MAD1L1: variants seen among roughly 807,000 people sequenced by gnomAD.
MAD1L1 encodes the protein mitotic arrest deficient 1 like 1.
Under a neutral mutation model 96.9 loss-of-function variants are expected in MAD1L1, and 95 were observed. The ratio of observed to expected loss-of-function variants is 0.98; its 90% CI spans 0.83 to 1.16. MAD1L1 has a LOEUF of 1.16. Ranked by LOEUF, MAD1L1 falls within the 50% of genes most tolerant of loss-of-function variation. The pLI, the probability that MAD1L1 is intolerant of heterozygous loss-of-function variation, is 0.00. For missense variants in MAD1L1, 1,007 were observed against 954.4 expected (o/e 1.06, Z -0.73); for synonymous variants, 473 against 396.6 (o/e 1.19, Z -2.29).
chr7:2,154,657 G>A (rs979087617), intron 10 of MAD1L1, among the ~76,000 whole-genome samples: 15 of 152,086 alleles, frequency 9.9e-5, no homozygotes, highest in African/African-American at 3.6e-4. Context: ...ATAAATAAAA[G>A]AAAATGGGCT....
chr7:2,018,209 A>ATG (rs1039090984), intron 12 of MAD1L1, among the ~76,000 whole-genome samples: 12 of 152,098 alleles, frequency 7.9e-5, no homozygotes, highest in African/African-American at 2.7e-4. Flanking sequence ...CCGTAACTAG[A>ATG]TGTGTGACCT....
chr7:2,123,711 T>C (rs998094361), intron 11 of MAD1L1, among the ~76,000 whole-genome samples: 2 of 152,172 alleles, frequency 1.3e-5, no homozygotes, highest in Admixed American at 6.5e-5. Flanking sequence ...CAGAGTGCAC[T>C]TCGCAGGCGG....
intron 12 of MAD1L1, among the ~76,000 whole-genome samples, chr7:2,037,440 G>A (rs1783489970): frequency 6.6e-6 from 1 of 151,864 alleles, no homozygotes; most frequent in African/African-American, 2.4e-5. Flanking sequence ...CTTCGGCGAG[G>A]CACCATGTTC....
intron 11 of MAD1L1, among the ~76,000 whole-genome samples, chr7:2,074,197 C>T (rs1785271141): frequency 6.6e-6 from 1 of 152,102 alleles, no homozygotes; most frequent in African/African-American, 2.4e-5. Flanking sequence ...AGCCTGGGCT[C>T]GCTGGGCCTC....
intron 10 of MAD1L1, among the ~76,000 whole-genome samples, chr7:2,210,252 TACAC>T (rs1792841356): frequency 1.3e-5 from 2 of 152,122 alleles, no homozygotes; most frequent in African/African-American, 4.8e-5. Context: ...TTTGTTTTGG[TACAC>T]ACGGGGTCTC....
intron 4 of MAD1L1, 22 bp from the exon 5 acceptor site, chr7:2,222,776 G>A: frequency 6.4e-7 from 1 of 1,560,396 alleles, no homozygotes. Flanking sequence ...GCAAGAGTCA[G>A]ATGCCACGTG....
At chr7:2,105,979 T>TGCCCCTGCCCCACATATGGCCCC (rs1316872996) in intron 11 of MAD1L1, among the ~76,000 whole-genome samples, 1 of 118,586 alleles carries the variant, frequency 8.4e-6, no homozygotes, top group Non-Finnish European at 1.8e-5. Flanking sequence ...GCCCTGCCCC[T>TGCCCCTGCCCCACATATGGCCCC]GCCCCTGCCC....
chr7:1,970,168 G>A (rs1334376179), intron 15 of MAD1L1, among the ~76,000 whole-genome samples: 2 of 152,176 alleles, frequency 1.3e-5, no homozygotes, highest in African/African-American at 4.8e-5. Context: ...GACATGTGCA[G>A]CTGCCGGGAG....
intron 17 of MAD1L1, among the ~76,000 whole-genome samples, chr7:1,930,849 T>TA (rs1320936145): frequency 1.3e-5 from 2 of 152,068 alleles, no homozygotes; most frequent in Non-Finnish European, 2.9e-5. Flanking sequence ...CCTCACAACT[T>TA]ACCCTGGTCT....
At chr7:1,887,772 C>A (rs991636420) in intron 18 of MAD1L1, among the ~76,000 whole-genome samples, 2 of 125,482 alleles carry the variant, frequency 1.6e-5, no homozygotes, top group African/African-American at 6.3e-5. Context: ...CATGTGGCTG[C>A]CTGTGTGTGT....
intron 11 of MAD1L1, among the ~76,000 whole-genome samples, chr7:2,098,656 G>A (rs1423131871): frequency 2.0e-5 from 3 of 152,170 alleles, no homozygotes; most frequent in Admixed American, 1.3e-4. Flanking sequence ...GGTCACGGAG[G>A]ACACGGCACA....
At position 2,114,015 on chromosome 7, in the gene MAD1L1, G is replaced by A. The variant is rs976196341; in HGVS notation, c.1073+35137C>T. ...CTGGCACAGAAAAAGGAGCTCAGTG[G>A]GAGAGCCGGCAAGACCTGAACGCAG... is the stretch of plus-strand genomic sequence containing the variant. On this transcript the variant is annotated intron_variant, in intron 11 of 18. Transcript: ENST00000265854. The surrounding 1 kb of genome is among the most constrained non-coding windows in gnomAD (Gnocchi z 4.2). 2.0e-5 allele frequency among the ~76,000 whole-genome samples: 3 copies of A among 152,198 alleles called. No homozygotes were observed. The highest frequency in any genetic ancestry group is 2.9e-5 in the Non-Finnish European group (2 of 68,034).
intron 15 of MAD1L1, among the ~76,000 whole-genome samples, chr7:1,967,937 T>C (rs929536725): frequency 6.6e-6 from 1 of 150,854 alleles, no homozygotes; most frequent in Non-Finnish European, 1.5e-5. Context: ...CTGCTGGTAA[T>C]AAACAAGTCC....
chr7:2,071,820 C>T (rs1000844477), intron 11 of MAD1L1, among the ~76,000 whole-genome samples: 3 of 151,668 alleles, frequency 2.0e-5, no homozygotes, highest in Admixed American at 6.6e-5. Context: ...AGGAGAGCTT[C>T]CACTCTTCCC....
At chr7:2,001,382 C>T (rs546279787) in intron 14 of MAD1L1, among the ~76,000 whole-genome samples, 9 of 152,386 alleles carry the variant, frequency 5.9e-5, no homozygotes, top group South Asian at 2.1e-4. Flanking sequence ...TAGGCCAAAA[C>T]GCTTCAAAAG....
Position 1,902,264 on chromosome 7 carries a change from G to C in MAD1L1, c.1808-3874C>G, listed in dbSNP as rs1028213568. On this transcript the variant is annotated intron_variant, in intron 17 of 18. Transcript: ENST00000265854. Reference sequence around the variant, plus strand: ...TAGGTAAAGGCTAGCTAGCAGGAAAGAGAGGCTTTACAGTACTGAGGGCCG... The same window carrying C: ...TAGGTAAAGGCTAGCTAGCAGGAAACAGAGGCTTTACAGTACTGAGGGCCG... Among the ~76,000 whole-genome samples the C allele has an allele frequency of 2.0e-5, 3 of 152,342 alleles. No individual in the cohort carries two copies. The East Asian group carries it at 5.8e-4, about 29-fold the overall frequency.
chr7:1,866,629 C>T (rs562602419), intron 18 of MAD1L1, among the ~76,000 whole-genome samples: 7 of 152,288 alleles, frequency 4.6e-5, no homozygotes, highest in South Asian at 4.1e-4. Flanking sequence ...AGGCAGGCAA[C>T]GCAGAGGCCA....
intron 17 of MAD1L1, among the ~76,000 whole-genome samples, chr7:1,929,744 C>T (rs1366457506): frequency 1.7e-4 from 24 of 141,946 alleles, no homozygotes; most frequent in African/African-American, 6.0e-4. Flanking sequence ...CACGTCCCCT[C>T]GCCCCGTCCC....
chr7:2,198,039 C>A (rs1008106932), intron 10 of MAD1L1, among the ~76,000 whole-genome samples: 98 of 152,134 alleles, frequency 6.4e-4, no homozygotes, highest in African/African-American at 2.2e-3. Context: ...CCAGTTCTGC[C>A]CCACAAGCGC....
Sources: allele counts gnomAD v4.1 joint callset (sites outside exome capture counted in the v4.1 genomes callset), GRCh38; gene constraint gnomAD v4.1.1; non-coding constraint Gnocchi (gnomAD v3.1); transcripts MANE v1.5; gene names NCBI Gene and HGNC (gene_info 2026-07-23, HGNC 2026-07-21).